SEPTIN2: variants seen among roughly 807,000 people sequenced by gnomAD.
SEPTIN2 encodes septin 2.
In SEPTIN2, 34 loss-of-function variants were observed where a neutral mutation model predicts 46.5. The observed-to-expected ratio is 0.73, with a 90% CI of 0.56 to 0.97. SEPTIN2 has a LOEUF of 0.97. Ranked by LOEUF, SEPTIN2 falls within the 50% of genes least tolerant of loss-of-function variation. The pLI is 0.00. For synonymous variants in SEPTIN2, 175 were observed against 153.4 expected (o/e 1.14, Z -1.04); for missense variants, 347 against 448.4 (o/e 0.77, Z 2.04).
rs201456497 is a variant in SEPTIN2, at chr2:241,327,414, G to GA, written c.130+1311dup. ...TAGAAGCACAGTAAGGGAAAAGCTG[G>GA]AAAAAAAAAAGAAATTGAATGTGCC... On this transcript the variant is annotated intron_variant, in intron 3 of 12. Transcript: ENST00000391971. Among the ~76,000 whole-genome samples the GA allele has an allele frequency of 4.8e-4, 64 of 134,140 alleles. 1 individual carries two copies. The highest frequency in any genetic ancestry group is 2.6e-3 in the East Asian group (12 of 4,624). The allele number at this position is 134,140 out of a possible 152,430, so 88.0% of individuals were successfully genotyped here.
At chr2:241,329,066 G>A (rs2078521861) in intron 3 of SEPTIN2, among the ~76,000 whole-genome samples, 1 of 152,104 alleles carries the variant, frequency 6.6e-6, no homozygotes, top group Non-Finnish European at 1.5e-5. Flanking sequence ...AAAGGTGTAT[G>A]TGGCGGGGAG....
intron 7 of SEPTIN2, among the ~76,000 whole-genome samples, chr2:241,341,922 G>C (rs988457999): frequency 2.0e-5 from 3 of 152,126 alleles, no homozygotes; most frequent in African/African-American, 4.8e-5. Context: ...TGAGTGCTAG[G>C]GTTTTAATTG....
At chr2:241,351,008 C>G (rs1348528100) in intron 12 of SEPTIN2, among the ~76,000 whole-genome samples, 1 of 152,154 alleles carries the variant, frequency 6.6e-6, no homozygotes, top group Non-Finnish European at 1.5e-5. Context: ...TACAAGAGAT[C>G]TGATTAGAGC....
chr2:241,338,166 A>T (rs181485387), intron 7 of SEPTIN2, among the ~76,000 whole-genome samples: 1 of 152,226 alleles, frequency 6.6e-6, no homozygotes, highest in African/African-American at 2.4e-5. Context: ...GGATGTATCT[A>T]AGTAGACTGG....
chr2:241,325,433 C>A (rs2077799354), intron 2 of SEPTIN2, among the ~76,000 whole-genome samples: 1 of 152,094 alleles, frequency 6.6e-6, no homozygotes, highest in South Asian at 2.1e-4. Context: ...ACTCAACATC[C>A]CACCCCTAAT....
At chr2:241,333,418 A>G (rs1468438673) in intron 3 of SEPTIN2, among the ~76,000 whole-genome samples, 2 of 152,368 alleles carry the variant, frequency 1.3e-5, no homozygotes, top group East Asian at 1.9e-4. Flanking sequence ...ATATTTAGGC[A>G]TGTTCAACAC....
At chr2:241,318,617 A>G (rs148855616) in intron 1 of SEPTIN2, among the ~76,000 whole-genome samples, 86 of 152,100 alleles carry the variant, frequency 5.7e-4, no homozygotes, top group African/African-American at 2.0e-3. Flanking sequence ...TGTTGCTGGT[A>G]CTTGACTTAC....
At position 241,345,892 on chromosome 2, in the gene SEPTIN2, CAG is replaced by C. The variant is rs760835484; in HGVS notation, c.843-273_843-272del. On this transcript the variant is annotated intron_variant, in intron 9 of 12. Transcript: ENST00000391971. ...ATCCTGTGGTAGTGATGGCCTCACA[CAG>C]GGGTGGCAGTGCCTCTAGCAGAAAT... 2.0e-5 allele frequency among the ~76,000 whole-genome samples: 3 copies of C among 152,188 alleles called. No individual in the cohort carries two copies. The East Asian group carries it at 5.8e-4, about 29-fold the overall frequency.
intron 3 of SEPTIN2, among the ~76,000 whole-genome samples, chr2:241,331,581 G>A (rs2079018242): frequency 6.6e-6 from 1 of 152,156 alleles, no homozygotes; most frequent in African/African-American, 2.4e-5. Flanking sequence ...AGTAGAAATG[G>A]CATTTTGTCA....
At chr2:241,333,817 T>G (rs2079439787) in intron 3 of SEPTIN2, among the ~76,000 whole-genome samples, 1 of 152,202 alleles carries the variant, frequency 6.6e-6, no homozygotes, top group African/African-American at 2.4e-5. Flanking sequence ...GTCTGCACAT[T>G]GCAAATTCAC....
At chr2:241,322,495 T>G (rs1423849877) in intron 1 of SEPTIN2, among the ~76,000 whole-genome samples, 2 of 151,298 alleles carry the variant, frequency 1.3e-5, no homozygotes, top group Admixed American at 1.3e-4. Context: ...TAGTCCCAGC[T>G]ACTCGGGAGG....
intron 2 of SEPTIN2, chr2:241,324,544 C>A: frequency 2.3e-6 from 1 of 426,664 alleles, no homozygotes; most frequent in Non-Finnish European, 4.5e-6. Context: ...CGTGCCACCA[C>A]GCTGGCTAAT....
chr2:241,339,343 A>G (rs1249640100), intron 7 of SEPTIN2, among the ~76,000 whole-genome samples: 1 of 145,172 alleles, frequency 6.9e-6, no homozygotes, highest in African/African-American at 2.5e-5. Context: ...TTTGCAGTCC[A>G]GCCTGGGTGA....
rs1246298369 is a variant in SEPTIN2 at position 241,352,645 on chromosome 2, C to G, written c.*708C>G. 2.0e-5 allele frequency: 3 copies of G among 152,180 alleles called. No individual in the cohort carries two copies. The highest frequency in any genetic ancestry group is 4.4e-5 in the Non-Finnish European group (3 of 68,028). 9.4% of individuals were successfully genotyped at this position (152,180 alleles called of 1,614,324 possible). ...TGATGCTAGGTTGTTTTTAAAACCA[C>G]TATGCAAAGAACTCACCACAAGCCA... On this transcript the variant is annotated 3_prime_UTR_variant, in exon 13 of 13. Transcript: ENST00000391971.
chr2:241,346,330 C>G (rs992706466), intron 10 of SEPTIN2, 81 bp downstream of exon 10: 1 of 1,033,526 alleles, frequency 9.7e-7, no homozygotes. Context: ...TCAGCTCAGC[C>G]TTCTTGACCA....
chr2:241,323,869 ATTTG>A (rs999945140), intron 1 of SEPTIN2, among the ~76,000 whole-genome samples: 5 of 152,204 alleles, frequency 3.3e-5, no homozygotes, highest in African/African-American at 1.2e-4. Context: ...ACTTGAAGGG[ATTTG>A]TTTAACTTCC....
chr2:241,321,265 A>G (rs1228346066), intron 1 of SEPTIN2, among the ~76,000 whole-genome samples: 1 of 151,850 alleles, frequency 6.6e-6, no homozygotes, highest in Non-Finnish European at 1.5e-5. Flanking sequence ...TTCTCACTTG[A>G]ATTTTTTTTT....
intron 3 of SEPTIN2, among the ~76,000 whole-genome samples, chr2:241,330,181 A>T (rs1207331788): frequency 6.6e-6 from 1 of 152,222 alleles, no homozygotes; most frequent in Non-Finnish European, 1.5e-5. Flanking sequence ...CAATGCACTG[A>T]GTCCTGCTAT....
chr2:241,335,112 C>CT lies in SEPTIN2; in HGVS notation c.131-9dup. ...TGAATAAGGTCATGACAAGGTTTTT[C>CT]TTTTTATTTAAAGGTGAATCAGGTC... On this transcript the variant is annotated splice_polypyrimidine_tract_variant and intron_variant, in intron 3 of 12. Coordinates refer to ENST00000391971, the MANE Select transcript of SEPTIN2 (RefSeq NM_004404.5). 1.3e-6 allele frequency: 2 copies of CT among 1,590,022 alleles called. No individual in the cohort carries two copies. Among genetic ancestry groups the CT allele is most frequent in the Middle Eastern group, 1.7e-4 (1 of 5,772 alleles).
Sources: gnomAD v4.1 joint callset for allele counts (sites outside exome capture counted in the v4.1 genomes callset) on GRCh38, gnomAD v4.1.1 for gene constraint, MANE v1.5 for transcripts, NCBI Gene and HGNC (gene_info 2026-07-23, HGNC 2026-07-21) for gene names.